DHRSX: variants seen among roughly 807,000 people sequenced by gnomAD.
DHRSX encodes the protein dehydrogenase/reductase X-linked.
DHRSX carries 31 observed loss-of-function variants against 34.0 expected under a neutral mutation model. The ratio of observed to expected loss-of-function variants is 0.91; its 90% CI spans 0.69 to 1.23. The LOEUF (loss-of-function observed/expected upper bound fraction) is 1.23. Among genes scored for constraint, DHRSX ranks in the 50% most tolerant of loss-of-function variants. The pLI, the probability that DHRSX is intolerant of heterozygous loss-of-function variation, is 0.00. For missense variants in DHRSX, 414 were observed against 428.1 expected, an observed-to-expected ratio of 0.97 and a Z score of 0.29; for synonymous variants, 201 against 183.8, an observed-to-expected ratio of 1.09 and a Z score of -0.76.
intron 3 of DHRSX, among the ~76,000 whole-genome samples, chrX:2,375,750 A>T (rs1603024313): frequency 1.5e-5 from 2 of 136,382 alleles, no homozygotes; most frequent in South Asian, 4.7e-4. Context: ...CTCCTGCCTC[A>T]GCCTCCTCAG....
At chrX:2,390,014 C>G (rs2043316479) in intron 3 of DHRSX, among the ~76,000 whole-genome samples, 1 of 152,102 alleles carries the variant, frequency 6.6e-6, no homozygotes, top group South Asian at 2.1e-4. Flanking sequence ...CTCCCGACCT[C>G]AAGTGATCCA....
intron 3 of DHRSX, among the ~76,000 whole-genome samples, chrX:2,331,191 C>T (rs2042467598): frequency 6.6e-6 from 1 of 152,080 alleles, no homozygotes; most frequent in Non-Finnish European, 1.5e-5. Context: ...TCTTCCATTC[C>T]AGTTTTATCA....
intron 3 of DHRSX, among the ~76,000 whole-genome samples, chrX:2,295,576 T>C (rs902338351): frequency 6.6e-6 from 1 of 151,970 alleles, no homozygotes; most frequent in African/African-American, 2.4e-5. Context: ...AGTATAATAA[T>C]ACCAAAAAAA....
chrX:2,462,753 C>T (rs757689108), intron 1 of DHRSX, among the ~76,000 whole-genome samples: 54 of 152,092 alleles, frequency 3.6e-4, no homozygotes, highest in African/African-American at 1.3e-3. Context: ...TAATATTAAC[C>T]TTCAAAACAC....
chrX:2,329,017 T>C (rs1398664336), intron 3 of DHRSX, among the ~76,000 whole-genome samples: 1 of 152,206 alleles, frequency 6.6e-6, no homozygotes, highest in Admixed American at 6.5e-5. Flanking sequence ...ACATGTTGTC[T>C]TCTCTTCAAT....
intron 3 of DHRSX, among the ~76,000 whole-genome samples, chrX:2,347,088 G>C (rs1424178007): frequency 6.6e-6 from 1 of 152,132 alleles, no homozygotes; most frequent in Non-Finnish European, 1.5e-5. Flanking sequence ...GATAAATAAA[G>C]TATAAGTATG....
intron 4 of DHRSX, among the ~76,000 whole-genome samples, chrX:2,276,756 G>T (rs768494196): frequency 6.6e-6 from 1 of 151,506 alleles, no homozygotes; most frequent in Admixed American, 6.6e-5. Flanking sequence ...AGGAGAGAGA[G>T]AGGGAGGGCA....
intron 2 of DHRSX, among the ~76,000 whole-genome samples, chrX:2,413,894 T>C (rs144728229): frequency 0.13 from 18,857 of 150,320 alleles, 1,311 homozygotes; most frequent in Middle Eastern, 0.19. Context: ...TAAATCTCAT[T>C]ATAACCTAGC....
At chrX:2,388,169 C>T (rs767069882) in intron 3 of DHRSX, among the ~76,000 whole-genome samples, 13 of 152,212 alleles carry the variant, frequency 8.5e-5, no homozygotes, top group African/African-American at 3.1e-4. Flanking sequence ...ATGGAGGGAA[C>T]CCCATGGCAA....
At chrX:2,495,947 C>T (rs2045274489) in intron 1 of DHRSX, among the ~76,000 whole-genome samples, 2 of 152,124 alleles carry the variant, frequency 1.3e-5, no homozygotes, top group Non-Finnish European at 2.9e-5. Flanking sequence ...AGCCGCCATC[C>T]GTCCCTTTAT....
intron 5 of DHRSX, among the ~76,000 whole-genome samples, chrX:2,248,330 G>A (rs2016346031): frequency 6.6e-6 from 1 of 151,982 alleles, no homozygotes; most frequent in Non-Finnish European, 1.5e-5. Context: ...CTACTTGGGA[G>A]GCTGAGGCAG....
chrX:2,221,446 T>A (rs2015517688), intron 6 of DHRSX, among the ~76,000 whole-genome samples: 1 of 152,132 alleles, frequency 6.6e-6, no homozygotes, highest in African/African-American at 2.4e-5. Context: ...CGTACCCAAG[T>A]GGGTTGCATT....
At chrX:2,248,143 C>G (rs2016341427) in intron 5 of DHRSX, among the ~76,000 whole-genome samples, 2 of 152,040 alleles carry the variant, frequency 1.3e-5, no homozygotes, top group East Asian at 3.9e-4. Flanking sequence ...ACTGAAAATA[C>G]AAACATTAGG....
intron 6 of DHRSX, among the ~76,000 whole-genome samples, chrX:2,229,154 T>C (rs1293926346): frequency 6.6e-6 from 1 of 152,170 alleles, no homozygotes; most frequent in Non-Finnish European, 1.5e-5. Context: ...CACATGTATT[T>C]ATTTTAGCAC....
At chrX:2,341,650 T>A in intron 3 of DHRSX, among the ~76,000 whole-genome samples, 1 of 91,200 alleles carries the variant, frequency 1.1e-5, no homozygotes, top group African/African-American at 5.5e-5. Flanking sequence ...GGTGAACTTG[T>A]CTTTTTTTTT....
intron 5 of DHRSX, among the ~76,000 whole-genome samples, chrX:2,264,814 G>C (rs374664579): frequency 1.1e-4 from 16 of 144,810 alleles, no homozygotes; most frequent in Middle Eastern, 4.8e-3. Flanking sequence ...AGAGCACAAT[G>C]CTCAGGAGAT....
chrX:2,498,579 C>T (rs1379176691), intron 1 of DHRSX, among the ~76,000 whole-genome samples: 1 of 150,316 alleles, frequency 6.7e-6, no homozygotes, highest in African/African-American at 2.5e-5. Flanking sequence ...TCACCAGAAG[C>T]TCGTCCTCTT....
At chrX:2,388,291 A>G (rs2043295250) in intron 3 of DHRSX, among the ~76,000 whole-genome samples, 1 of 152,124 alleles carries the variant, frequency 6.6e-6, no homozygotes, top group Non-Finnish European at 1.5e-5. Context: ...AAATTCATAC[A>G]TTGAGATCCT....
At chrX:2,356,744 T>C (rs2042858212) in intron 3 of DHRSX, among the ~76,000 whole-genome samples, 1 of 152,214 alleles carries the variant, frequency 6.6e-6, no homozygotes, top group Non-Finnish European at 1.5e-5. Context: ...GATGATCCCT[T>C]TCCATTTGAT....
Sources: allele counts gnomAD v4.1 joint callset (sites outside exome capture counted in the v4.1 genomes callset), GRCh38; gene constraint gnomAD v4.1.1; transcripts MANE v1.5; gene names NCBI Gene and HGNC (gene_info 2026-07-23, HGNC 2026-07-21).